The following GAREM2 variants were observed in gnomAD, a reference collection of about 807,000 sequenced individuals.
GAREM2 encodes the protein GRB2-associated and regulator of MAPK protein 2.
A neutral mutation model predicts 55.6 loss-of-function variants in GAREM2; 30 were observed. That is an observed-to-expected ratio of 0.54 (90% CI 0.40 to 0.73). The LOEUF (loss-of-function observed/expected upper bound fraction) is 0.73. GAREM2 is among the 30% of genes least tolerant of loss of function. The probability of loss-of-function intolerance (pLI) is 0.00; values close to 1 mark genes in which losing one functional copy is unlikely to be tolerated. For synonymous variants in GAREM2, 550 were observed against 569.1 expected, an observed-to-expected ratio of 0.97 and a Z score of 0.48; for missense variants, 1,075 against 1,257.7, an observed-to-expected ratio of 0.85 and a Z score of 2.20.
At chr2:26,190,948 C>T (rs1049987), downstream of GAREM2, 99,540 of 511,080 alleles carry the variant, frequency 0.19, 10,723 homozygotes, top group Middle Eastern at 0.23. Context: ...GCCACCCTGG[C>T]CTCTTGGGAG....
downstream of GAREM2, chr2:26,194,591 A>G: frequency 6.2e-7 from 1 of 1,611,480 alleles, no homozygotes; most frequent in Non-Finnish European, 8.5e-7. Flanking sequence ...GGATGACTTC[A>G]GACATCATGG....
rs1669250547 is a variant in GAREM2, at chr2:26,186,265, G to T, written c.1505G>T (p.Ser502Ile). The T allele has an allele frequency of 6.5e-7, 1 of 1,550,338 alleles. No homozygotes were observed. The highest frequency in any genetic ancestry group is 8.7e-7 in the Non-Finnish European group (1 of 1,146,390). ...GGCAATGGCAGCGGCCGGCTCTCCAGCAGCCCCCCGGTTCCCCCTCGCTTC... is the reference window on the plus strand; with the variant it reads ...GGCAATGGCAGCGGCCGGCTCTCCATCAGCCCCCCGGTTCCCCCTCGCTTC... ...RGGNGSGRLS[S>I]SPPVPPRFPK... Residue 502 changes from serine (S) to isoleucine (I), a missense_variant, in exon 5 of 6, where the codon AGC becomes ATC. Around this residue, in one of 6 missense-constraint regions of GAREM2, gnomAD observed 515 missense variants for 501.5 expected, o/e 1.03. Coordinates refer to ENST00000401533, the MANE Select transcript of GAREM2 (RefSeq NM_001168241.2).
Position 26,183,100 on chromosome 2 carries a change from C to A in GAREM2, c.384+3C>A. Reference sequence around the variant, plus strand: ...AAGCCATCACCTTCAGCGTCAAGGTCAGTCACTCCCTCACCAGGTGTGGTG... The same window carrying A: ...AAGCCATCACCTTCAGCGTCAAGGTAAGTCACTCCCTCACCAGGTGTGGTG... On this transcript the variant is annotated splice_donor_region_variant and intron_variant, in intron 3 of 5. Transcript: ENST00000401533. 1 of 1,551,632 alleles carries A rather than the reference C, an allele frequency of 6.4e-7. No individual in the cohort carries two copies. The highest frequency in any genetic ancestry group is 1.2e-5 in the South Asian group (1 of 84,050).
rs1669326974 is a variant in GAREM2, at chr2:26,187,670, C to G, written c.2038C>G (p.Pro680Ala). ...AGGCCAGGCCTATTCAGCTGCTCCC[C>G]CCTCCTCCTGCGCCCCCTCCTCCTC... ...SPGQAYSAAP[P>A]SSCAPSSSSS... The change falls in exon 6 of 6, where the codon CCC (proline) becomes GCC (alanine). Residue 680 changes from proline to alanine, a missense_variant. Transcript: ENST00000401533. 6.6e-7 allele frequency: 1 copy of G among 1,518,770 alleles called. No homozygotes were observed. The highest frequency in any genetic ancestry group is 8.8e-7 in the Non-Finnish European group (1 of 1,130,270). The allele number at this position is 1,518,770 out of a possible 1,614,324, so 94.1% of individuals were successfully genotyped here.
intron 2 of GAREM2, among the ~76,000 whole-genome samples, chr2:26,178,507 T>G (rs1668936331): frequency 6.6e-6 from 1 of 152,054 alleles, no homozygotes; most frequent in Non-Finnish European, 1.5e-5. Flanking sequence ...GGGGATCCCT[T>G]TAGTCCAGGA....
intron 4 of GAREM2, 104 bp downstream of exon 4, chr2:26,185,380 C>A: frequency 7.2e-7 from 1 of 1,380,514 alleles, no homozygotes; most frequent in East Asian, 3.1e-5. Context: ...GTGTCTTCCT[C>A]GGCGGGGTGG....
At chr2:26,178,160 G>A (rs1668923950) in intron 2 of GAREM2, among the ~76,000 whole-genome samples, 1 of 152,224 alleles carries the variant, frequency 6.6e-6, no homozygotes, top group South Asian at 2.1e-4. Flanking sequence ...AACTCACTCA[G>A]ATTTCTTTCT....
chr2:26,193,807 G>A, downstream of GAREM2: 1 of 1,565,226 alleles, frequency 6.4e-7, no homozygotes, highest in East Asian at 2.2e-5. Flanking sequence ...CTCAGGGGAA[G>A]GGCAGCCCAA....
At chr2:26,193,812 G>C (rs768093865), downstream of GAREM2, 1 of 1,529,886 alleles carries the variant, frequency 6.5e-7, no homozygotes. Context: ...GGGAAGGGCA[G>C]CCCAAATCCC....
In GAREM2 at chr2:26,188,013, T is replaced by TC; in HGVS notation, c.2383dup (p.Arg795ProfsTer11). ...CGGGATGGAGCCACAGGCTTTGGAGTCCGAGATGCCTCCTCCTGGCAGCCC... is the reference window on the plus strand; with the variant it reads ...CGGGATGGAGCCACAGGCTTTGGAGTCCCGAGATGCCTCCTCCTGGCAGCCC... On this transcript the variant is annotated frameshift_variant, in exon 6 of 6. Transcript: ENST00000401533. LOFTEE classifies it high-confidence loss of function. The TC allele has an allele frequency of 6.7e-7, 1 of 1,485,894 alleles. No homozygotes were observed. The highest frequency in any genetic ancestry group is 9.0e-7 in the Non-Finnish European group (1 of 1,109,662). The allele number at this position is 1,485,894 out of a possible 1,614,324, so 92.0% of individuals were successfully genotyped here. A position where few individuals can be genotyped will look rare whatever the true frequency, so the allele number is the denominator to read the frequency against.
chr2:26,197,878 T>TC, the GAREM2 span: 1 of 756,050 alleles, frequency 1.3e-6, no homozygotes, highest in Non-Finnish European at 2.5e-6. Flanking sequence ...GCCCACTCTG[T>TC]CCCCCACAAC....
At chr2:26,200,027 G>A in the GAREM2 span, among the ~76,000 whole-genome samples, 10 of 152,206 alleles carry the variant, frequency 6.6e-5, no homozygotes, top group Non-Finnish European at 1.5e-4. Flanking sequence ...GGAGACATGA[G>A]GAAGATACTA....
chr2:26,202,342 C>G, the GAREM2 span, among the ~76,000 whole-genome samples: 2 of 152,150 alleles, frequency 1.3e-5, no homozygotes, highest in African/African-American at 2.4e-5. Flanking sequence ...AATAAATTAC[C>G]TACAGTTTTC....
chr2:26,195,364 T>G, the GAREM2 span: 3 of 834,400 alleles, frequency 3.6e-6, no homozygotes, highest in Non-Finnish European at 6.2e-6. Flanking sequence ...CATAGCTGAG[T>G]GGTTTGGTTC....
At chr2:26,193,891 C>A, downstream of GAREM2, 1 of 777,940 alleles carries the variant, frequency 1.3e-6, no homozygotes. Context: ...TGTCACCTGA[C>A]CAGGCCCAGG....
At chr2:26,185,847 C>T (rs747009532) in intron 4 of GAREM2, among the ~76,000 whole-genome samples, 2 of 152,208 alleles carry the variant, frequency 1.3e-5, no homozygotes, top group Non-Finnish European at 2.9e-5. Context: ...TTCGGCTTTC[C>T]TTTGTCCTCT....
chr2:26,173,197 C>T lies in GAREM2; in HGVS notation c.-24C>T. On this transcript the variant is annotated 5_prime_UTR_variant, in exon 1 of 6. It adds an upstream start codon to the 5' untranslated region. Transcript: ENST00000401533. Reference sequence around the variant, plus strand: ...GGGACTGACCGTCGGGGCCCCGGGACGGCGGCCCCGGGGCGCCCATGCCAT... The same window carrying T: ...GGGACTGACCGTCGGGGCCCCGGGATGGCGGCCCCGGGGCGCCCATGCCAT... 9.0e-7 allele frequency: 1 copy of T among 1,117,238 alleles called. No individual in the cohort carries two copies. Among genetic ancestry groups the T allele is most frequent in the Non-Finnish European group, 1.1e-6 (1 of 879,046 alleles). 69.2% of individuals were successfully genotyped at this position (1,117,238 alleles called of 1,614,324 possible).
At chr2:26,195,960 A>T in the GAREM2 span, among the ~76,000 whole-genome samples, 4 of 152,328 alleles carry the variant, frequency 2.6e-5, no homozygotes, top group African/African-American at 9.6e-5. Context: ...TCCCAACAGA[A>T]CTGTGGTGAA....
At chr2:26,193,566 A>G, downstream of GAREM2, 2 of 1,602,366 alleles carry the variant, frequency 1.2e-6, no homozygotes, top group Non-Finnish European at 1.7e-6. Context: ...TGTTTCCTTG[A>G]GGCTACTCAC....
Sources: gnomAD v4.1 joint callset for allele counts (sites outside exome capture counted in the v4.1 genomes callset) on GRCh38, gnomAD v4.1.1 for gene constraint, gnomAD v4.1.1 regional missense constraint, MANE v1.5 for transcripts, NCBI Gene and HGNC (gene_info 2026-07-23, HGNC 2026-07-21) for gene names.